KIF3B: variants seen among roughly 807,000 people sequenced by gnomAD.
The protein encoded by KIF3B is kinesin-like protein KIF3B.
In KIF3B, 38 loss-of-function variants were observed where a neutral mutation model predicts 74.3. The observed-to-expected ratio is 0.51, with a 90% CI of 0.39 to 0.67. The LOEUF is 0.67. Among genes scored for constraint, KIF3B ranks in the 30% least tolerant of loss-of-function variants. The pLI is 0.00. For missense variants in KIF3B, 649 were observed against 932.0 expected, an observed-to-expected ratio of 0.70 and a Z score of 3.95; for synonymous variants, 326 against 342.5, an observed-to-expected ratio of 0.95 and a Z score of 0.53.
chr20:32,301,011 C>T (rs568401166), intron 1 of KIF3B, among the ~76,000 whole-genome samples: 324 of 151,118 alleles, frequency 2.1e-3, no homozygotes, highest in Admixed American at 3.9e-3. Flanking sequence ...CACAGGCAAG[C>T]GGCACCATGC....
intron 1 of KIF3B, among the ~76,000 whole-genome samples, chr20:32,288,188 A>G (rs1035739869): frequency 1.3e-5 from 2 of 151,846 alleles, no homozygotes; most frequent in East Asian, 3.9e-4. Context: ...GCCTAAAAGT[A>G]TCTTTAAAAA....
rs1417283848 is a variant in KIF3B, at chr20:32,327,656, T to C, written c.1963T>C (p.Tyr655His). Residue 655 changes from tyrosine to histidine, a missense_variant, in exon 7 of 9, where the codon TAT becomes CAT. By Grantham distance (83) the Tyr-to-His change is moderately conservative. This residue lies in a region of KIF3B where 186 missense variants were observed against 198.5 expected (regional missense o/e 0.94). Transcript: ENST00000375712. ...MSMMIRPEAR[Y>H]RAENIVLLEL... is the part of the protein sequence containing the mutation. ...CATGATGATTCGTCCAGAGGCCCGA[T>C]ATAGGGTGAGAAGATCCTTCTTGGG... 1.9e-6 allele frequency: 3 copies of C among 1,611,780 alleles called. No homozygotes were observed. Among genetic ancestry groups the C allele is most frequent in the Non-Finnish European group, 2.5e-6 (3 of 1,178,560 alleles).
At chr20:32,295,324 G>T (rs1241527255) in intron 1 of KIF3B, among the ~76,000 whole-genome samples, 2 of 150,486 alleles carry the variant, frequency 1.3e-5, no homozygotes, top group African/African-American at 4.9e-5. Context: ...ACAGAATCTC[G>T]CTCTGTCGCC....
intron 5 of KIF3B, among the ~76,000 whole-genome samples, chr20:32,322,757 T>C (rs2047871556): frequency 2.2e-4 from 11 of 49,050 alleles, no homozygotes; most frequent in African/African-American, 1.4e-3. Flanking sequence ...TATATATATA[T>C]TTATATATAT....
chr20:32,307,223 A>G (rs1333567828), intron 1 of KIF3B, among the ~76,000 whole-genome samples: 1 of 152,114 alleles, frequency 6.6e-6, no homozygotes, highest in Non-Finnish European at 1.5e-5. Flanking sequence ...TTGACACATT[A>G]TCACCCAAAG....
chr20:32,307,716 G>A (rs1330221678), intron 1 of KIF3B, among the ~76,000 whole-genome samples: 4 of 151,946 alleles, frequency 2.6e-5, no homozygotes, highest in Admixed American at 2.6e-4. Flanking sequence ...TGGATCACGA[G>A]GTCAGAAGAT....
At position 32,277,703 on chromosome 20, in the gene KIF3B, GCCC is replaced by G. The variant is rs2047622480; in HGVS notation, c.-125_-123del. The G allele has an allele frequency of 1.5e-5, 4 of 263,596 alleles. No individual in the cohort carries two copies. Among genetic ancestry groups the G allele is most frequent in the Non-Finnish European group, 2.8e-5 (4 of 145,376 alleles). The allele number at this position is 263,596 out of a possible 1,614,324, so 16.3% of individuals were successfully genotyped here. On this transcript the variant is annotated 5_prime_UTR_variant, in exon 1 of 9. Coordinates refer to ENST00000375712, the MANE Select transcript of KIF3B (RefSeq NM_004798.4). ...GGAATGGCTGAGCCAGGGGTTCGCC[GCCC>G]CCGCCGCCGCCGCCGCCGCCGCCGC... is the stretch of plus-strand genomic sequence containing the variant.
In KIF3B at chr20:32,322,776, A is replaced by ATT. The variant is rs1464753710; in HGVS notation, c.1749-3994_1749-3993insTT. Among the ~76,000 whole-genome samples, 48 of 32,172 alleles carry ATT rather than the reference A, an allele frequency of 1.5e-3. 6 individuals are homozygous for ATT. In the East Asian group the frequency reaches 0.032, roughly 22 times the overall value. The allele number at this position is 32,172 out of a possible 152,430, so 21.1% of individuals were successfully genotyped here. ...TATATATTTATATATATTTATATAT[A>ATT]TATTTATATATATTTATATATATAT... On this transcript the variant is annotated intron_variant, in intron 5 of 8. Coordinates refer to ENST00000375712, the MANE Select transcript of KIF3B (RefSeq NM_004798.4).
chr20:32,326,996 A>G (rs2047907127), intron 6 of KIF3B, 112 bp downstream of exon 6: 1 of 618,992 alleles, frequency 1.6e-6, no homozygotes, highest in East Asian at 2.6e-5. Context: ...AGTTTGGCTT[A>G]TTTAAACTCA....
At chr20:32,292,233 C>T (rs957971992) in intron 1 of KIF3B, among the ~76,000 whole-genome samples, 2 of 152,112 alleles carry the variant, frequency 1.3e-5, no homozygotes, top group East Asian at 1.9e-4. Context: ...AACCACCTAG[C>T]TTGGTCCTTG....
chr20:32,316,072 C>T, intron 2 of KIF3B, 146 bp from the exon 3 acceptor site: 1 of 591,568 alleles, frequency 1.7e-6, no homozygotes, highest in South Asian at 2.4e-5. Flanking sequence ...GATGGATGGG[C>T]ACAGCTGAGC....
rs139816293 is a variant in KIF3B, at chr20:32,333,540, C to T, written c.*2221C>T. On this transcript the variant is annotated 3_prime_UTR_variant, in exon 9 of 9. Coordinates refer to ENST00000375712, the MANE Select transcript of KIF3B (RefSeq NM_004798.4). The stretch of plus-strand genomic sequence containing the variant: ...CCTAGCTACTCGGGAGGCTGAGGCA[C>T]GAGAATCACTTGAACCTGGGAGGCG... 7.4e-3 allele frequency: 1,022 copies of T among 138,912 alleles called. 6 individuals are homozygous for T. The highest frequency in any genetic ancestry group is 9.9e-3 in the Non-Finnish European group (658 of 66,600). The allele number at this position is 138,912 out of a possible 1,614,324, so 8.6% of individuals were successfully genotyped here. A position where few individuals can be genotyped will look rare whatever the true frequency, so the allele number is the denominator to read the frequency against.
At chr20:32,315,855 A>G (rs1366886416) in intron 2 of KIF3B, among the ~76,000 whole-genome samples, 1 of 151,836 alleles carries the variant, frequency 6.6e-6, no homozygotes, top group Non-Finnish European at 1.5e-5. Flanking sequence ...TCCTCAGTGG[A>G]CTCGGAGCTT....
At chr20:32,284,067 C>T (rs2047656331) in intron 1 of KIF3B, among the ~76,000 whole-genome samples, 1 of 151,782 alleles carries the variant, frequency 6.6e-6, no homozygotes, top group Non-Finnish European at 1.5e-5. Context: ...AGGTGCATGC[C>T]ACTACACCCA....
At position 32,316,461 on chromosome 20, in the gene KIF3B, A is replaced by G. The variant is rs2047828009; in HGVS notation, c.1507-66A>G. 11 of 1,604,862 alleles carry G rather than the reference A, an allele frequency of 6.9e-6. No homozygotes were observed. In the Admixed American group the frequency reaches 1.4e-4, roughly 20 times the overall value. ...CATCCTAGCTGGAGACTCTGATCCT[A>G]GCTTGGGGAACCCAGCATAGACACA... On this transcript the variant is annotated intron_variant, in intron 3 of 8. Coordinates refer to ENST00000375712, the MANE Select transcript of KIF3B (RefSeq NM_004798.4).
intron 5 of KIF3B, among the ~76,000 whole-genome samples, chr20:32,318,865 A>G (rs1276927733): frequency 2.0e-5 from 3 of 152,070 alleles, no homozygotes; most frequent in African/African-American, 4.8e-5. Context: ...GCTGGGTCAT[A>G]TGGTAACTCA....
chr20:32,292,942 A>G (rs1053474322), intron 1 of KIF3B, among the ~76,000 whole-genome samples: 5 of 152,136 alleles, frequency 3.3e-5, no homozygotes, highest in Non-Finnish European at 4.4e-5. Flanking sequence ...AGGTCCCTCA[A>G]TAAGGGACTG....
At chr20:32,301,125 T>C (rs2047742026) in intron 1 of KIF3B, among the ~76,000 whole-genome samples, 1 of 134,638 alleles carries the variant, frequency 7.4e-6, no homozygotes, top group African/African-American at 2.8e-5. Flanking sequence ...AGTCTCACTG[T>C]CACCCAGGCT....
chr20:32,292,408 C>T (rs1193496878), intron 1 of KIF3B, among the ~76,000 whole-genome samples: 2 of 151,616 alleles, frequency 1.3e-5, no homozygotes, highest in African/African-American at 4.8e-5. Context: ...CCAGCCTGTG[C>T]AACAAAGCAA....
Sources: allele counts gnomAD v4.1 joint callset (sites outside exome capture counted in the v4.1 genomes callset), GRCh38; gene constraint gnomAD v4.1.1; regional missense constraint gnomAD v4.1.1; transcripts MANE v1.5; gene names NCBI Gene and HGNC (gene_info 2026-07-23, HGNC 2026-07-21).